Variants in TRIM31 observed in about 807,000 individuals in gnomAD.
TRIM31 encodes the protein tripartite motif containing 31.
In TRIM31, 31 loss-of-function variants were observed where a neutral mutation model predicts 40.6. The ratio of observed to expected loss-of-function variants is 0.76; its 90% CI spans 0.57 to 1.03. The LOEUF is 1.03. Among genes scored for constraint, TRIM31 ranks in the 50% least tolerant of loss-of-function variants. TRIM31 has a pLI of 0.00. For synonymous variants in TRIM31, 164 were observed against 193.9 expected, an observed-to-expected ratio of 0.85 and a Z score of 1.28; for missense variants, 455 against 497.5, an observed-to-expected ratio of 0.91 and a Z score of 0.81.
At position 30,103,682 on chromosome 6, in the gene TRIM31, C is replaced by T; in HGVS notation, c.1132G>A (p.Ala378Thr). 1 of 1,613,002 alleles carries T rather than the reference C, an allele frequency of 6.2e-7. No individual in the cohort carries two copies. Among genetic ancestry groups the T allele is most frequent in the Non-Finnish European group, 8.5e-7 (1 of 1,180,034 alleles). The change falls in exon 9 of 9, where the codon GCC becomes ACC. Residue 378 changes from alanine (A) to threonine (T), a missense_variant. By Grantham distance (58) the Ala-to-Thr change is moderately conservative. Transcript: ENST00000376734. ...GKVTFPVCLL[A>T]SYDEISGQGA... ...TGACCAGAAATCTCATCATAAGAGG[C>T]CAGGAGACATACTGGAAAAGTGACT...
intron 3 of TRIM31, chr6:30,111,326 G>T (rs966560014): frequency 1.8e-5 from 6 of 329,938 alleles, no homozygotes; most frequent in Admixed American, 1.4e-4. Context: ...GAGCCACCGC[G>T]CCCGGCCAAT....
rs758653413 is a variant in TRIM31 at position 30,111,646 on chromosome 6, AC to A, written c.513+1del. 8.1e-6 allele frequency: 13 copies of A among 1,613,886 alleles called. No individual in the cohort carries two copies. In the South Asian group the frequency reaches 1.2e-4, roughly 15 times the overall value. On this transcript the variant is annotated splice_donor_variant, in intron 3 of 8. Coordinates refer to ENST00000376734, the MANE Select transcript of TRIM31 (RefSeq NM_007028.5). LOFTEE classifies it high-confidence loss of function. ...GAGATCGTGGGATGGAGTTTTTCTTACCGTGAAGACATCGACCCTGTGTACA... is the reference window on the plus strand; with the variant it reads ...GAGATCGTGGGATGGAGTTTTTCTTACGTGAAGACATCGACCCTGTGTACA...
In TRIM31 at chr6:30,112,305, C is replaced by G. The variant is rs1163838559; in HGVS notation, c.417+84G>C. 2.0e-6 allele frequency: 3 copies of G among 1,504,668 alleles called. No individual in the cohort carries two copies. In the East Asian group the frequency reaches 6.8e-5, roughly 34 times the overall value. 93.2% of individuals were successfully genotyped at this position (1,504,668 alleles called of 1,614,324 possible). ...GGGGTGGGGGCAATGGGGTGCAAAC[C>G]CTCAGTGGGAAGGTAGCAGTTTCCA... On this transcript the variant is annotated intron_variant, in intron 2 of 8. Coordinates refer to ENST00000376734, the MANE Select transcript of TRIM31 (RefSeq NM_007028.5).
chr6:30,105,900 G>A (rs560519684), intron 6 of TRIM31, among the ~76,000 whole-genome samples: 42 of 152,282 alleles, frequency 2.8e-4, no homozygotes, highest in Non-Finnish European at 4.9e-4. Context: ...GTAAGGGGGG[G>A]CCCCACTCTC....
rs142316069 is a variant in TRIM31 at position 30,105,227 on chromosome 6, T to A, written c.899A>T (p.Asp300Val). Residue 300 changes from aspartate to valine, a missense_variant, in exon 7 of 9, where the codon GAT becomes GTT. Asp to Val is a radical substitution (Grantham distance 152). Transcript: ENST00000376734. ...GAATCTGTTTTCATCTTTTTTCCTA[T>A]CAGCCTGGAGTTGGTCTGGGGAATA... Reference protein sequence around the residue: ...LKKFKDQLQADRKKDENRFFK... With the variant: ...LKKFKDQLQAVRKKDENRFFK... The A allele has an allele frequency of 5.4e-4, 864 of 1,612,964 alleles. 6 individuals are homozygous for A. The highest frequency in any genetic ancestry group is 3.6e-3 in the Middle Eastern group (22 of 6,062).
chr6:30,103,457 G>T lies in TRIM31; in HGVS notation c.*79C>A. The stretch of plus-strand genomic sequence containing the variant: ...TCCACTAAGTCAAGAACCGTGGTCG[G>T]TCTCAGCCACTCACTCAGCGCCACT... On this transcript the variant is annotated 3_prime_UTR_variant, in exon 9 of 9. Transcript: ENST00000376734. The T allele has an allele frequency of 6.3e-7, 1 of 1,585,090 alleles. No individual in the cohort carries two copies. Among genetic ancestry groups the T allele is most frequent in the African/African-American group, 1.3e-5 (1 of 74,514 alleles).
At chr6:30,110,235 A>G (rs1293091957) in intron 4 of TRIM31, among the ~76,000 whole-genome samples, 1 of 152,258 alleles carries the variant, frequency 6.6e-6, no homozygotes, top group Non-Finnish European at 1.5e-5. Flanking sequence ...ACATTTCTAA[A>G]TCACACATGT....
intron 7 of TRIM31, 135 bp from the exon 8 acceptor site, chr6:30,104,302 G>T: frequency 1.2e-6 from 1 of 845,838 alleles, no homozygotes; most frequent in Non-Finnish European, 1.9e-6. Flanking sequence ...CACCCAGGGG[G>T]AAGTGTGGAA....
chr6:30,105,379 AC>A, intron 6 of TRIM31, 137 bp from the exon 7 acceptor site: 1 of 667,006 alleles, frequency 1.5e-6, no homozygotes, highest in Non-Finnish European at 2.6e-6. Context: ...TTCTTATTGG[AC>A]CAGGAAGGTA....
At chr6:30,111,400 C>A (rs952156984) in intron 3 of TRIM31, 3 of 512,620 alleles carry the variant, frequency 5.9e-6, no homozygotes, top group East Asian at 6.5e-5. Context: ...CCTGTACTTG[C>A]GATTCTAAGA....
chr6:30,106,675 A>G (rs1768743659), intron 6 of TRIM31, among the ~76,000 whole-genome samples: 3 of 152,072 alleles, frequency 2.0e-5, no homozygotes, highest in Admixed American at 1.3e-4. Context: ...TGAAAGAGGG[A>G]AAGAAAAGGG....
intron 5 of TRIM31, 153 bp from the exon 6 acceptor site, chr6:30,108,321 G>A (rs1384106176): frequency 1.6e-6 from 1 of 608,296 alleles, no homozygotes; most frequent in Non-Finnish European, 3.0e-6. Flanking sequence ...CACTTTGGGA[G>A]GCTGAGGCGG....
rs566125613 is a variant in TRIM31, at chr6:30,110,591, A to G, written c.601T>C (p.Ser201Pro). 7 of 1,614,206 alleles carry G rather than the reference A, an allele frequency of 4.3e-6. No individual in the cohort carries two copies. The Admixed American group carries it at 1.2e-4, about 27-fold the overall frequency. The change falls in exon 4 of 9, where the codon TCA becomes CCA. Residue 201 changes from serine (S) to proline (P), a missense_variant. Transcript: ENST00000376734. ...TCATGACCCAGCCAGTAAATCCGTG[A>G]TAGCAGGAAATTCTTCTCCTCCTCT... ...VLEEEKNFLL[S>P]RIYWLGHEGT...
At position 30,103,580 on chromosome 6, in the gene TRIM31, G is replaced by A. The variant is rs17194258; in HGVS notation, c.1234C>T (p.Leu412=). 9.0e-3 allele frequency: 14,535 copies of A among 1,613,050 alleles called. 207 individuals carry two copies. Among genetic ancestry groups the A allele is most frequent in the Middle Eastern group, 0.055 (334 of 6,060 alleles). The change falls in exon 9 of 9, where the codon CTG becomes TTG. Residue 412 remains leucine (L), a synonymous_variant. Transcript: ENST00000376734. ...EELHAALSEW[L]TAIRAWFCEV... ...CAAAACCAAGCCCGGATCGCTGTCA[G>A]CCACTCACTCAGTGCCGCATGGAGC...
intron 3 of TRIM31, among the ~76,000 whole-genome samples, chr6:30,111,030 C>CTTTTTTTTTTTTTTTTTTTTTTTTTTTT (rs9278578): frequency 1.1e-4 from 13 of 114,294 alleles, no homozygotes; most frequent in South Asian, 6.2e-4. Context: ...TTCCTTCTGT[C>CTTTTTTTTTTTTTTTTTTTTTTTTTTTT]TTTTTTTTTT....
intron 5 of TRIM31, 82 bp downstream of exon 5, chr6:30,108,944 T>A: frequency 6.9e-7 from 1 of 1,438,894 alleles, no homozygotes; most frequent in Non-Finnish European, 9.8e-7. Context: ...GAGAGAGGAA[T>A]GTTGACTGCA....
chr6:30,108,921 G>A (rs1769017254), intron 5 of TRIM31, 105 bp downstream of exon 5: 2 of 1,185,150 alleles, frequency 1.7e-6, no homozygotes, highest in Admixed American at 1.7e-5. Context: ...GTTAGAGGTG[G>A]GTGGGTATTT....
intron 2 of TRIM31, 92 bp downstream of exon 2, chr6:30,112,297 G>A (rs1036455282): frequency 1.4e-6 from 2 of 1,475,168 alleles, no homozygotes; most frequent in Admixed American, 2.1e-5. Flanking sequence ...GGGCAATGGG[G>A]TGCAAACCCT....
intron 3 of TRIM31, 65 bp downstream of exon 3, chr6:30,111,583 G>A (rs1769325317): frequency 6.0e-6 from 9 of 1,508,248 alleles, no homozygotes; most frequent in East Asian, 2.3e-5. Flanking sequence ...GTGTAATAGG[G>A]GATTCCAGGA....
Sources: allele counts gnomAD v4.1 joint callset (sites outside exome capture counted in the v4.1 genomes callset), GRCh38; gene constraint gnomAD v4.1.1; transcripts MANE v1.5; gene names NCBI Gene and HGNC (gene_info 2026-07-23, HGNC 2026-07-21).